Variants in AFF3 observed in about 807,000 individuals in gnomAD.
AFF3 encodes AF4/FMR2 family member 3.
AFF3 carries 32 observed loss-of-function variants against 129.7 expected under a neutral mutation model. That is an observed-to-expected ratio of 0.25 (90% CI 0.19 to 0.33). AFF3 has a LOEUF of 0.33. AFF3 is among the 10% of genes least tolerant of loss of function. AFF3 has a pLI of 1.00. For missense variants in AFF3, 1,373 were observed against 1,592.0 expected, an observed-to-expected ratio of 0.86 and a Z score of 2.34; for synonymous variants, 644 against 635.4, an observed-to-expected ratio of 1.01 and a Z score of -0.20.
intron 22 of AFF3, among the ~76,000 whole-genome samples, chr2:99,557,893 A>G (rs1675097135): frequency 6.6e-6 from 1 of 152,234 alleles, no homozygotes; most frequent in South Asian, 2.1e-4. Flanking sequence ...GCTGTTGGAG[A>G]TAGAGACGGC....
intron 4 of AFF3, among the ~76,000 whole-genome samples, chr2:100,091,986 C>A (rs563382419): frequency 1.3e-5 from 2 of 148,648 alleles, no homozygotes; most frequent in African/African-American, 5.0e-5. Context: ...GTGGTGCCTG[C>A]AGCCTACTTC....
At chr2:100,109,749 C>T (rs1032345667) in intron 2 of AFF3, 2 of 152,158 alleles carry the variant, frequency 1.3e-5, no homozygotes, top group African/African-American at 4.8e-5. Context: ...CTCCCAAAAG[C>T]ACATGAGGTA....
chr2:99,841,080 T>C (rs889152789), intron 7 of AFF3, among the ~76,000 whole-genome samples: 2 of 152,344 alleles, frequency 1.3e-5, no homozygotes, highest in Non-Finnish European at 2.9e-5. Context: ...CACCCAGATA[T>C]AACAGCACAC....
At chr2:99,936,093 G>T (rs1470139714) in intron 7 of AFF3, among the ~76,000 whole-genome samples, 1 of 152,170 alleles carries the variant, frequency 6.6e-6, no homozygotes, top group Non-Finnish European at 1.5e-5. Context: ...AGAAGAGGAA[G>T]ATCACCCATA....
chr2:99,941,970 C>A (rs1675082739), intron 7 of AFF3, among the ~76,000 whole-genome samples: 1 of 152,198 alleles, frequency 6.6e-6, no homozygotes, highest in Non-Finnish European at 1.5e-5. Flanking sequence ...CAGACAACTG[C>A]AATTCCTAAC....
chr2:99,896,137 C>A, intron 7 of AFF3, among the ~76,000 whole-genome samples: 1 of 145,162 alleles, frequency 6.9e-6, no homozygotes, highest in East Asian at 2.1e-4. Flanking sequence ...AATGGAGAAA[C>A]TGGCAATATA....
intron 1 of AFF3, among the ~76,000 whole-genome samples, chr2:100,134,435 CAT>C (rs1692551652): frequency 6.6e-6 from 1 of 152,076 alleles, no homozygotes; most frequent in Non-Finnish European, 1.5e-5. Flanking sequence ...AGTAAGCTGT[CAT>C]TATATATTGA....
chr2:99,817,871 A>G (rs1687363975), intron 8 of AFF3, among the ~76,000 whole-genome samples: 1 of 152,210 alleles, frequency 6.6e-6, no homozygotes, highest in South Asian at 2.1e-4. Flanking sequence ...AAGTAATCAC[A>G]GTGTCATTAT....
At chr2:100,034,328 T>G (rs1684743633) in intron 4 of AFF3, among the ~76,000 whole-genome samples, 2 of 152,098 alleles carry the variant, frequency 1.3e-5, no homozygotes, top group Non-Finnish European at 2.9e-5. Flanking sequence ...AGTATTAACA[T>G]GCCTGTAAAC....
intron 22 of AFF3, 131 bp downstream of exon 22, chr2:99,558,744 A>G (rs1280611562): frequency 2.1e-5 from 16 of 749,056 alleles, no homozygotes; most frequent in Non-Finnish European, 3.0e-5. Flanking sequence ...TGTGGCATAA[A>G]TGGGGTTACC....
chr2:99,919,017 C>G (rs1200498714), intron 7 of AFF3, among the ~76,000 whole-genome samples: 1 of 152,116 alleles, frequency 6.6e-6, no homozygotes, highest in Admixed American at 6.5e-5. Flanking sequence ...AATACCAATT[C>G]TAATCATTAT....
chr2:99,817,662 C>T (rs1275280921), intron 8 of AFF3, among the ~76,000 whole-genome samples: 1 of 152,196 alleles, frequency 6.6e-6, no homozygotes, highest in Non-Finnish European at 1.5e-5. Context: ...GCTGGGACTA[C>T]AGGTGCATGC....
chr2:99,907,300 C>T (rs764049451), intron 7 of AFF3, among the ~76,000 whole-genome samples: 1 of 152,104 alleles, frequency 6.6e-6, no homozygotes, highest in Non-Finnish European at 1.5e-5. Flanking sequence ...CAATTCTGTT[C>T]ACTGTGTGTA....
At chr2:100,020,419 T>C (rs1683492134) in intron 4 of AFF3, among the ~76,000 whole-genome samples, 1 of 152,078 alleles carries the variant, frequency 6.6e-6, no homozygotes. Flanking sequence ...TTTATGTTGA[T>C]GTTGTACAAC....
chr2:99,598,473 T>A (rs998199662), intron 14 of AFF3, among the ~76,000 whole-genome samples: 4 of 152,172 alleles, frequency 2.6e-5, no homozygotes, highest in Non-Finnish European at 5.9e-5. Flanking sequence ...AACATGGCAT[T>A]ACCATACTAC....
intron 13 of AFF3, among the ~76,000 whole-genome samples, chr2:99,648,765 C>T (rs1237993923): frequency 6.6e-6 from 1 of 151,950 alleles, no homozygotes. Context: ...GTTAGCTAGA[C>T]AATGTGGAGG....
intron 8 of AFF3, among the ~76,000 whole-genome samples, chr2:99,775,199 C>T (rs1301561049): frequency 2.0e-5 from 3 of 152,150 alleles, no homozygotes; most frequent in Non-Finnish European, 4.4e-5. Context: ...GACCTAGAAG[C>T]AGAAACACCA....
At chr2:99,853,654 C>T (rs1173080201) in intron 7 of AFF3, among the ~76,000 whole-genome samples, 3 of 152,130 alleles carry the variant, frequency 2.0e-5, no homozygotes, top group African/African-American at 4.8e-5. Context: ...TTTCTAGATG[C>T]GAAATTTCCT....
chr2:99,873,885 AG>A (rs926027739), intron 7 of AFF3, among the ~76,000 whole-genome samples: 12 of 152,130 alleles, frequency 7.9e-5, no homozygotes, highest in African/African-American at 2.7e-4. Flanking sequence ...CTTCTCTTTA[AG>A]AAGCTGGGCC....
Sources: allele counts gnomAD v4.1 joint callset (sites outside exome capture counted in the v4.1 genomes callset), GRCh38; gene constraint gnomAD v4.1.1; transcripts MANE v1.5; gene names NCBI Gene and HGNC (gene_info 2026-07-23, HGNC 2026-07-21).